The following KLF17 variants were observed in gnomAD, a reference collection of about 807,000 sequenced individuals.
The protein encoded by KLF17 is Krueppel-like factor 17.
A neutral mutation model predicts 34.2 loss-of-function variants in KLF17; 31 were observed. That is an observed-to-expected ratio of 0.91 (90% CI 0.68 to 1.22). The LOEUF (loss-of-function observed/expected upper bound fraction) is 1.22. Among genes scored for constraint, KLF17 ranks in the 50% most tolerant of loss-of-function variants. The pLI, the probability that KLF17 is intolerant of heterozygous loss-of-function variation, is 0.00. For missense variants in KLF17, 478 were observed against 505.2 expected, an observed-to-expected ratio of 0.95 and a Z score of 0.52; for synonymous variants, 179 against 186.7, an observed-to-expected ratio of 0.96 and a Z score of 0.34.
chr1:44,100,308 T>C, the KLF17 span, among the ~76,000 whole-genome samples: 1 of 149,204 alleles, frequency 6.7e-6, no homozygotes, highest in Non-Finnish European at 1.5e-5. Context: ...TGGTGACCCA[T>C]ACTGGGTCGG....
the KLF17 span, among the ~76,000 whole-genome samples, chr1:44,047,170 CAAG>C: frequency 2.6e-5 from 4 of 152,012 alleles, no homozygotes; most frequent in South Asian, 6.2e-4. Context: ...TTAAAATGTA[CAAG>C]AAGAAGTAAT....
upstream of KLF17, chr1:44,118,717 G>C: frequency 2.3e-6 from 1 of 441,322 alleles, no homozygotes; most frequent in Non-Finnish European, 4.1e-6. Flanking sequence ...AGGGTGGGTG[G>C]CAGCCTGGGG....
At chr1:44,095,597 AT>A in the KLF17 span, among the ~76,000 whole-genome samples, 1 of 152,062 alleles carries the variant, frequency 6.6e-6, no homozygotes, top group Non-Finnish European at 1.5e-5. Context: ...TAATCCGTAG[AT>A]TTTTTTGGGT....
At chr1:44,093,008 A>G in the KLF17 span, among the ~76,000 whole-genome samples, 44,417 of 152,156 alleles carry the variant, frequency 0.29, 6,772 homozygotes, top group South Asian at 0.34. Flanking sequence ...AAATGATTTC[A>G]GAAATAAAGC....
At chr1:44,051,246 C>T in the KLF17 span, 3 of 152,276 alleles carry the variant, frequency 2.0e-5, no homozygotes, top group African/African-American at 7.2e-5. Context: ...AGAGTTGTAA[C>T]ACTAACCAAA....
At chr1:44,046,115 A>G in the KLF17 span, 10 of 137,886 alleles carry the variant, frequency 7.3e-5, no homozygotes, top group African/African-American at 2.7e-4. Flanking sequence ...ATTCATCCAC[A>G]AGATTTGGTA....
intron 1 of KLF17, among the ~76,000 whole-genome samples, chr1:44,126,442 T>C (rs2088009380): frequency 6.6e-6 from 1 of 152,182 alleles, no homozygotes; most frequent in African/African-American, 2.4e-5. Flanking sequence ...TGACCAAAAT[T>C]AACTGCAATT....
At position 44,129,477 on chromosome 1, in the gene KLF17, G is replaced by A; in HGVS notation, c.206G>A (p.Gly69Glu). The change falls in exon 2 of 4, where the codon GGG becomes GAG. Residue 69 changes from glycine (G) to glutamate (E), a missense_variant. Transcript: ENST00000372299. ...QHFPHSAEMLGSPLVSVEAPG... is the reference protein window; with the variant it reads ...QHFPHSAEMLESPLVSVEAPG... ...TTTCCTCACAGCGCAGAGATGCTGG[G>A]GTCCCCTTTGGTGTCTGTTGAGGCG... 2.5e-6 allele frequency: 4 copies of A among 1,611,546 alleles called. No homozygotes were observed. Among genetic ancestry groups the A allele is most frequent in the South Asian group, 1.1e-5 (1 of 90,724 alleles).
the KLF17 span, among the ~76,000 whole-genome samples, chr1:44,097,717 GT>G: frequency 2.0e-5 from 3 of 152,042 alleles, no homozygotes; most frequent in African/African-American, 7.2e-5. Flanking sequence ...AAGTCTTTCT[GT>G]TTTTCCCTTT....
the KLF17 span, among the ~76,000 whole-genome samples, chr1:44,075,232 A>C: frequency 6.6e-6 from 1 of 152,140 alleles, no homozygotes; most frequent in Non-Finnish European, 1.5e-5. Context: ...GTTTCTAGTT[A>C]TCTTAGTAAG....
At chr1:44,103,824 T>C in the KLF17 span, 5 of 805,080 alleles carry the variant, frequency 6.2e-6, no homozygotes, top group Non-Finnish European at 1.1e-5. Flanking sequence ...AGTCTCAGCC[T>C]GGAGCCCACT....
chr1:44,123,532 AG>A (rs1220350473), intron 1 of KLF17, among the ~76,000 whole-genome samples: 2 of 151,970 alleles, frequency 1.3e-5, no homozygotes, highest in Non-Finnish European at 2.9e-5. Context: ...GATCTAGCTA[AG>A]TGTTTGGCAA....
the KLF17 span, among the ~76,000 whole-genome samples, chr1:44,102,577 C>T: frequency 1.8e-5 from 2 of 109,504 alleles, no homozygotes; most frequent in African/African-American, 6.3e-5. Context: ...CACACACACA[C>T]ACACACACAC....
At chr1:44,079,624 A>G in the KLF17 span, among the ~76,000 whole-genome samples, 2 of 151,868 alleles carry the variant, frequency 1.3e-5, no homozygotes, top group Admixed American at 1.3e-4. Context: ...TTATATTAAA[A>G]TTTCCCTGTT....
chr1:44,047,564 G>A, the KLF17 span, among the ~76,000 whole-genome samples: 2 of 150,558 alleles, frequency 1.3e-5, no homozygotes, highest in African/African-American at 2.5e-5. Flanking sequence ...CTGGGGACCC[G>A]GCACAGTGAC....
the KLF17 span, among the ~76,000 whole-genome samples, chr1:44,062,710 T>G: frequency 8.5e-6 from 1 of 117,652 alleles, no homozygotes; most frequent in Non-Finnish European, 1.8e-5. Context: ...AGCAAGAACC[T>G]GTCTCAAAAA....
chr1:44,044,200 G>T, the KLF17 span, among the ~76,000 whole-genome samples: 2 of 152,222 alleles, frequency 1.3e-5, no homozygotes, highest in Admixed American at 1.3e-4. Context: ...AGCTGTGGTT[G>T]TTGGCAGAAG....
chr1:44,105,382 A>C, the KLF17 span: 1 of 152,036 alleles, frequency 6.6e-6, no homozygotes, highest in African/African-American at 2.4e-5. Flanking sequence ...ATTAAAAAAA[A>C]AAAACATGAA....
the KLF17 span, among the ~76,000 whole-genome samples, chr1:44,061,967 G>T: frequency 6.6e-5 from 10 of 152,222 alleles, no homozygotes; most frequent in Non-Finnish European, 1.5e-4. Flanking sequence ...CTGCTACTGT[G>T]TATACACTGC....
Sources: allele counts gnomAD v4.1 joint callset (sites outside exome capture counted in the v4.1 genomes callset), GRCh38; gene constraint gnomAD v4.1.1; transcripts MANE v1.5; gene names NCBI Gene and HGNC (gene_info 2026-07-23, HGNC 2026-07-21).